The following FSHR variants were observed in gnomAD, a reference collection of about 807,000 sequenced individuals.
The protein encoded by FSHR is follicle stimulating hormone receptor.
In FSHR, 46 loss-of-function variants were observed where a neutral mutation model predicts 52.1. The ratio of observed to expected loss-of-function variants is 0.88; its 90% CI spans 0.70 to 1.13. The LOEUF is 1.13. FSHR is among the 50% of genes most tolerant of loss of function. The pLI, the probability that FSHR is intolerant of heterozygous loss-of-function variation, is 0.00. For missense variants in FSHR, 964 were observed against 834.6 expected, an observed-to-expected ratio of 1.16 and a Z score of -1.91; for synonymous variants, 399 against 309.6, an observed-to-expected ratio of 1.29 and a Z score of -3.03.
intron 2 of FSHR, among the ~76,000 whole-genome samples, chr2:49,037,143 G>A (rs1000500414): frequency 1.3e-5 from 2 of 152,124 alleles, no homozygotes; most frequent in African/African-American, 4.8e-5. Context: ...CTAAACCAGG[G>A]AAAACATCAA....
intron 2 of FSHR, among the ~76,000 whole-genome samples, chr2:49,067,994 A>T (rs2103617922): frequency 6.6e-6 from 1 of 151,680 alleles, no homozygotes; most frequent in Admixed American, 6.6e-5. Context: ...AGAAATGATG[A>T]AAATTGCTTG....
intron 1 of FSHR, among the ~76,000 whole-genome samples, chr2:49,100,655 A>G (rs1453042526): frequency 6.6e-6 from 1 of 152,218 alleles, no homozygotes; most frequent in Non-Finnish European, 1.5e-5. Flanking sequence ...AGAGAGAGGG[A>G]TAGATCCCAG....
At chr2:49,154,030 T>A (rs1486428360) in intron 1 of FSHR, among the ~76,000 whole-genome samples, 1 of 152,166 alleles carries the variant, frequency 6.6e-6, no homozygotes, top group Non-Finnish European at 1.5e-5. Context: ...GCCTTTGGAT[T>A]CCGGTTCTCT....
Position 49,003,273 on chromosome 2 carries a change from C to A in FSHR, c.375-12636G>T, listed in dbSNP as rs79974215. On this transcript the variant is annotated intron_variant, in intron 4 of 9. Transcript: ENST00000406846. ...CCAAACAAAAAGGTTCCAACCACTC[C>A]GGCCCACATTCTCATGAAGGGCCAC... Among the ~76,000 whole-genome samples, 649 of 152,294 alleles carry A rather than the reference C, an allele frequency of 4.3e-3. 5 individuals are homozygous for A. The highest frequency in any genetic ancestry group is 0.014 in the African/African-American group (591 of 41,564).
intron 2 of FSHR, among the ~76,000 whole-genome samples, chr2:49,027,886 A>G (rs988382789): frequency 4.7e-5 from 7 of 150,472 alleles, no homozygotes; most frequent in African/African-American, 1.7e-4. Context: ...TGAAGGAAGG[A>G]CAAAGATTTT....
intron 9 of FSHR, 98 bp from the exon 10 acceptor site, chr2:48,964,064 T>G: frequency 7.6e-7 from 1 of 1,314,610 alleles, no homozygotes; most frequent in Non-Finnish European, 1.1e-6. Flanking sequence ...AGTTTCTTCC[T>G]GAGATTTTTT....
At chr2:49,090,133 G>GTA (rs1195761228) in intron 1 of FSHR, among the ~76,000 whole-genome samples, 1 of 102,652 alleles carries the variant, frequency 9.7e-6, no homozygotes, top group Non-Finnish European at 2.0e-5. Flanking sequence ...GAGTGTGTGT[G>GTA]TGTGTGTGTG....
chr2:49,125,680 A>G (rs1386546905), intron 1 of FSHR, among the ~76,000 whole-genome samples: 1 of 152,146 alleles, frequency 6.6e-6, no homozygotes, highest in African/African-American at 2.4e-5. Context: ...AATAACATCC[A>G]ATTACCTGAG....
intron 2 of FSHR, 78 bp from the exon 3 acceptor site, chr2:49,020,238 T>A: frequency 1.7e-6 from 2 of 1,210,730 alleles, no homozygotes; most frequent in Non-Finnish European, 2.5e-6. Flanking sequence ...CATAGAGCCT[T>A]GTGTCTGGGA....
At chr2:49,048,488 A>G (rs17038148) in intron 2 of FSHR, among the ~76,000 whole-genome samples, 2,306 of 152,308 alleles carry the variant, frequency 0.015, 45 homozygotes, top group African/African-American at 0.047. Context: ...CTGAGACACT[A>G]TAAATGGGAA....
chr2:49,120,202 C>T (rs963328275), intron 1 of FSHR, among the ~76,000 whole-genome samples: 83 of 152,210 alleles, frequency 5.5e-4, no homozygotes, highest in East Asian at 1.9e-3. Context: ...GCCAGAGAGG[C>T]GAAGGTTGCA....
At chr2:49,029,521 A>G (rs1041681968) in intron 2 of FSHR, among the ~76,000 whole-genome samples, 1 of 152,240 alleles carries the variant, frequency 6.6e-6, no homozygotes, top group Admixed American at 6.5e-5. Context: ...CACTTTGGCA[A>G]ATCACTGGAG....
intron 1 of FSHR, among the ~76,000 whole-genome samples, chr2:49,131,072 A>T (rs1173684183): frequency 2.0e-5 from 3 of 152,178 alleles, no homozygotes; most frequent in East Asian, 1.9e-4. Flanking sequence ...ATAAAATTAG[A>T]TGAGCCATGT....
chr2:49,134,323 A>G (rs549748277), intron 1 of FSHR, among the ~76,000 whole-genome samples: 6 of 152,402 alleles, frequency 3.9e-5, no homozygotes, highest in South Asian at 4.1e-4. Context: ...AATGCTCATC[A>G]TCACTGGCCA....
At chr2:49,100,545 A>G (rs1254084221) in intron 1 of FSHR, among the ~76,000 whole-genome samples, 1 of 152,196 alleles carries the variant, frequency 6.6e-6, no homozygotes, top group Non-Finnish European at 1.5e-5. Flanking sequence ...TGTTTCTCCC[A>G]AAACCCTTAC....
intron 1 of FSHR, among the ~76,000 whole-genome samples, chr2:49,142,974 G>A (rs763132308): frequency 6.6e-6 from 1 of 152,182 alleles, no homozygotes; most frequent in African/African-American, 2.4e-5. Flanking sequence ...GTTTTGAGAT[G>A]CTTGTAAAAG....
intron 1 of FSHR, among the ~76,000 whole-genome samples, chr2:49,148,999 T>A (rs1222162140): frequency 6.6e-6 from 1 of 151,784 alleles, no homozygotes; most frequent in Non-Finnish European, 1.5e-5. Context: ...AGACATAAAT[T>A]AGGAAGTAAT....
Position 49,037,035 on chromosome 2 carries a change from G to A in FSHR, c.225-16875C>T, listed in dbSNP as rs369419720. Among the ~76,000 whole-genome samples, 23 of 152,284 alleles carry A rather than the reference G, an allele frequency of 1.5e-4. No individual in the cohort carries two copies. In the South Asian group the frequency reaches 1.7e-3, roughly 11 times the overall value. On this transcript the variant is annotated intron_variant, in intron 2 of 9. Coordinates refer to ENST00000406846, the MANE Select transcript of FSHR (RefSeq NM_000145.4). The stretch of plus-strand genomic sequence containing the variant: ...AGCTTCAAAACCCACTTGGGAACAT[G>A]AGCCCAAGTTCCACAGTTCTTTGAG...
chr2:49,074,861 A>G (rs946696106), intron 1 of FSHR, among the ~76,000 whole-genome samples: 2 of 152,138 alleles, frequency 1.3e-5, no homozygotes, highest in African/African-American at 4.8e-5. Context: ...TCCTTAGCCA[A>G]AGAATAAAAT....
Sources: gnomAD v4.1 joint callset for allele counts (sites outside exome capture counted in the v4.1 genomes callset) on GRCh38, gnomAD v4.1.1 for gene constraint, MANE v1.5 for transcripts, NCBI Gene and HGNC (gene_info 2026-07-23, HGNC 2026-07-21) for gene names.